The following CLDN14 variants were observed in gnomAD, a reference collection of about 807,000 sequenced individuals.
CLDN14 encodes claudin 14.
Under a neutral mutation model 2.1 loss-of-function variants are expected in CLDN14, and 2 were observed. The ratio of observed to expected loss-of-function variants is 0.96; its 90% CI spans 0.39 to 3.01. The LOEUF (loss-of-function observed/expected upper bound fraction) is 3.01. Among genes scored for constraint, CLDN14 ranks in the 30% most tolerant of loss-of-function variants. The probability of loss-of-function intolerance (pLI) is 0.09; values close to 1 mark genes in which losing one functional copy is unlikely to be tolerated. For missense variants in CLDN14, 298 were observed against 328.0 expected, an observed-to-expected ratio of 0.91 and a Z score of 0.71; for synonymous variants, 136 against 154.4, an observed-to-expected ratio of 0.88 and a Z score of 0.88.
intron 1 of CLDN14, among the ~76,000 whole-genome samples, chr21:36,523,112 G>A (rs1456004503): frequency 6.6e-6 from 1 of 152,162 alleles, no homozygotes; most frequent in Non-Finnish European, 1.5e-5. Context: ...CCAGTGTCAG[G>A]GAGCAAGCTT....
upstream of CLDN14, among the ~76,000 whole-genome samples, chr21:36,483,245 T>C (rs2086865136): frequency 6.6e-6 from 1 of 151,642 alleles, no homozygotes; most frequent in Non-Finnish European, 1.5e-5. Context: ...CAGGTGGTGT[T>C]GTTTCTGACT....
intron 1 of CLDN14, among the ~76,000 whole-genome samples, chr21:36,473,924 A>G (rs1420475388): frequency 1.3e-5 from 2 of 151,480 alleles, no homozygotes; most frequent in Non-Finnish European, 2.9e-5. Flanking sequence ...TAATCTGATA[A>G]ATCAAGTCAT....
intron 2 of CLDN14, among the ~76,000 whole-genome samples, chr21:36,485,696 C>T (rs1357463640): frequency 6.6e-6 from 1 of 152,192 alleles, no homozygotes; most frequent in Non-Finnish European, 1.5e-5. Context: ...TCGGGACACC[C>T]TGTCATCCTC....
chr21:36,498,360 A>G lies in CLDN14; in HGVS notation c.-82+12003T>C, dbSNP rs1225363642. Reference sequence around the variant, plus strand: ...GTGGAAAGAGAAGAAAAAAAGTAAAATAATAATACTAATAATGCCTTTTCT... The same window carrying G: ...GTGGAAAGAGAAGAAAAAAAGTAAAGTAATAATACTAATAATGCCTTTTCT... On this transcript the variant is annotated intron_variant, in intron 2 of 2. Transcript: ENST00000342108. This position sits in a 1 kb window ranked among gnomAD's most constrained non-coding sequence, Gnocchi z 4.9. 6.6e-6 allele frequency among the ~76,000 whole-genome samples: 1 copy of G among 152,178 alleles called. No individual in the cohort carries two copies. Among genetic ancestry groups the G allele is most frequent in the African/African-American group, 2.4e-5 (1 of 41,448 alleles).
intron 2 of CLDN14, among the ~76,000 whole-genome samples, chr21:36,501,331 A>ATTTTTTTTTTT (rs1471992472): frequency 2.8e-5 from 1 of 35,110 alleles, no homozygotes; most frequent in African/African-American, 6.9e-5. Flanking sequence ...TCAATATCTC[A>ATTTTTTTTTTT]CTTTTTTTTT....
chr21:36,514,453 G>A (rs973701864), intron 1 of CLDN14, among the ~76,000 whole-genome samples: 2 of 152,204 alleles, frequency 1.3e-5, no homozygotes, highest in African/African-American at 4.8e-5. Context: ...CAGTGCGCCA[G>A]AAGCAATGAT....
At chr21:36,555,280 G>T (rs1340210331) in intron 1 of CLDN14, among the ~76,000 whole-genome samples, 1 of 114,988 alleles carries the variant, frequency 8.7e-6, no homozygotes, top group Non-Finnish European at 2.0e-5. Context: ...CCTTGGTTTT[G>T]CCAGAAATCC....
At chr21:36,490,965 CACACACACACACA>C in intron 2 of CLDN14, among the ~76,000 whole-genome samples, 1 of 151,642 alleles carries the variant, frequency 6.6e-6, no homozygotes, top group South Asian at 2.1e-4. Flanking sequence ...CACACACACA[CACACACACACACA>C]CACACACACA....
rs909133419 is a variant in CLDN14 at position 36,551,334 on chromosome 21, G to C, written c.-220+25077C>G. On this transcript the variant is annotated intron_variant, in intron 1 of 2. Transcript: ENST00000342108. The surrounding 1 kb of genome is among the most constrained non-coding windows in gnomAD (Gnocchi z 4.8). Reference sequence around the variant, plus strand: ...GCAGATGCACTGTTCCCTGCGGACAGGATTTATTCCTGGAGCCTCTGCCTC... The same window carrying C: ...GCAGATGCACTGTTCCCTGCGGACACGATTTATTCCTGGAGCCTCTGCCTC... Among the ~76,000 whole-genome samples the C allele has an allele frequency of 1.3e-5, 2 of 152,224 alleles. No individual in the cohort carries two copies. The highest frequency in any genetic ancestry group is 4.8e-5 in the African/African-American group (2 of 41,460).
chr21:36,485,866 T>A, intron 2 of CLDN14: 2 of 549,152 alleles, frequency 3.6e-6, no homozygotes, highest in Non-Finnish European at 6.2e-6. Flanking sequence ...TTTTTTTTTT[T>A]TATGTTGCCA....
chr21:36,500,938 A>C (rs1425178330), intron 2 of CLDN14, among the ~76,000 whole-genome samples: 1 of 152,238 alleles, frequency 6.6e-6, no homozygotes, highest in African/African-American at 2.4e-5. Flanking sequence ...ACAGAACTCT[A>C]CGCAGGGGGT....
At chr21:36,566,045 T>G (rs1442052851) in intron 1 of CLDN14, among the ~76,000 whole-genome samples, 2 of 152,232 alleles carry the variant, frequency 1.3e-5, no homozygotes, top group Non-Finnish European at 2.9e-5. Context: ...CAGTCTTATT[T>G]TTTATCATAT....
At chr21:36,528,229 T>G (rs2087349947) in intron 1 of CLDN14, among the ~76,000 whole-genome samples, 1 of 152,198 alleles carries the variant, frequency 6.6e-6, no homozygotes, top group African/African-American at 2.4e-5. Flanking sequence ...TAATTATCAC[T>G]AACAGTTTTT....
intron 1 of CLDN14, among the ~76,000 whole-genome samples, chr21:36,525,487 A>T (rs1025986179): frequency 5.3e-5 from 8 of 152,082 alleles, no homozygotes; most frequent in African/African-American, 1.7e-4. Flanking sequence ...GGGGATGATG[A>T]TGGGGGTTGG....
intron 2 of CLDN14, among the ~76,000 whole-genome samples, chr21:36,502,045 G>A (rs913294624): frequency 2.0e-5 from 3 of 152,144 alleles, no homozygotes; most frequent in African/African-American, 4.8e-5. Context: ...CAGGATGGAA[G>A]GGGTTAATGG....
chr21:36,545,091 C>T (rs905769110), intron 1 of CLDN14, among the ~76,000 whole-genome samples: 1 of 152,152 alleles, frequency 6.6e-6, no homozygotes, highest in Non-Finnish European at 1.5e-5. Context: ...ATTTCTGAAG[C>T]CCATGGAGAG....
intron 1 of CLDN14, among the ~76,000 whole-genome samples, chr21:36,514,622 A>T (rs147773429): frequency 0.18 from 6,071 of 33,624 alleles, 193 homozygotes; most frequent in Non-Finnish European, 0.41. Flanking sequence ...CGTGAGAGAA[A>T]GTGTGTGTGT....
chr21:36,564,196 A>AT (rs1488885722), intron 1 of CLDN14, among the ~76,000 whole-genome samples: 1 of 152,148 alleles, frequency 6.6e-6, no homozygotes, highest in Non-Finnish European at 1.5e-5. Flanking sequence ...TGTTATATAA[A>AT]TTTTCCATAG....
chr21:36,523,003 G>C (rs955927605), intron 1 of CLDN14, among the ~76,000 whole-genome samples: 1 of 152,102 alleles, frequency 6.6e-6, no homozygotes, highest in Non-Finnish European at 1.5e-5. Flanking sequence ...ATGTCACTGC[G>C]GAGGCTGAAC....
Sources: gnomAD v4.1 joint callset for allele counts (sites outside exome capture counted in the v4.1 genomes callset) on GRCh38, gnomAD v4.1.1 for gene constraint, Gnocchi (gnomAD v3.1) non-coding constraint, MANE v1.5 for transcripts, NCBI Gene and HGNC (gene_info 2026-07-23, HGNC 2026-07-21) for gene names.